The following DPF2 variants were observed in gnomAD, a reference collection of about 807,000 sequenced individuals.
DPF2 encodes the protein double PHD fingers 2.
In DPF2, 10 loss-of-function variants were observed where a neutral mutation model predicts 59.6. The ratio of observed to expected loss-of-function variants is 0.17; its 90% CI spans 0.10 to 0.28. The LOEUF is 0.28. Among genes scored for constraint, DPF2 ranks in the 10% least tolerant of loss-of-function variants. The pLI, the probability that DPF2 is intolerant of heterozygous loss-of-function variation, is 1.00. For missense variants in DPF2, 315 were observed against 509.4 expected (o/e 0.62, Z 3.67); for synonymous variants, 189 against 190.6 (o/e 0.99, Z 0.07).
intron 6 of DPF2, chr11:65,344,530 C>T (rs767841883): frequency 2.0e-6 from 3 of 1,523,354 alleles, no homozygotes; most frequent in Non-Finnish European, 2.6e-6. Flanking sequence ...CTGCTCCTGT[C>T]TCAAGTGTAT....
intron 4 of DPF2, chr11:65,341,923 A>T (rs909909665): frequency 1.2e-4 from 20 of 167,238 alleles, no homozygotes; most frequent in Non-Finnish European, 2.0e-4. Context: ...CAGCCTGGGC[A>T]ACAAAGTGAG....
Position 65,340,969 on chromosome 11 carries a change from T to C in DPF2, c.197T>C (p.Leu66Ser). The C allele has an allele frequency of 6.2e-7, 1 of 1,614,068 alleles. No homozygotes were observed. The highest frequency in any genetic ancestry group is 8.5e-7 in the Non-Finnish European group (1 of 1,179,992). Reference sequence around the variant, plus strand: ...TCTATCTTTCTTCCTGCCACAGGATTGGCCTCCGGACAGCTGTACTCCTAC... The same window carrying C: ...TCTATCTTTCTTCCTGCCACAGGATCGGCCTCCGGACAGCTGTACTCCTAC... ...WMEKRHRGPG[L>S]ASGQLYSYPA... is the part of the protein sequence containing the mutation. Residue 66 changes from leucine (L) to serine (S), a missense_variant, in exon 3 of 11, where the codon TTG becomes TCG. By Grantham distance (145) the Leu-to-Ser change is moderately radical (BLOSUM62 -2). Around this residue, in one of 4 missense-constraint regions of DPF2, gnomAD observed 228 missense variants for 275.3 expected, o/e 0.83. Transcript: ENST00000528416.
chr11:65,335,991 T>C (rs1161803956), intron 1 of DPF2, among the ~76,000 whole-genome samples: 4 of 151,714 alleles, frequency 2.6e-5, no homozygotes, highest in African/African-American at 9.7e-5. Flanking sequence ...TTTTTGTGTT[T>C]TTAGTAGAGA....
intron 10 of DPF2, among the ~76,000 whole-genome samples, chr11:65,350,097 T>G (rs966452423): frequency 2.0e-4 from 30 of 152,302 alleles, no homozygotes; most frequent in African/African-American, 6.3e-4. Context: ...TGTTTTGTTT[T>G]GTTTTTTTAA....
Position 65,345,925 on chromosome 11 carries a change from T to G in DPF2, c.776-5T>G. On this transcript the variant is annotated splice_region_variant and splice_polypyrimidine_tract_variant and intron_variant, in intron 7 of 10. Coordinates refer to ENST00000528416, the MANE Select transcript of DPF2 (RefSeq NM_006268.5). ...GGGTGTCATCAAAACTCTTTCTCTC[T>G]GTAGCCAAAAAGGGTCCTGATGGAT... 1 of 1,614,116 alleles carries G rather than the reference T, an allele frequency of 6.2e-7. No individual in the cohort carries two copies. The highest frequency in any genetic ancestry group is 1.1e-5 in the South Asian group (1 of 91,084).
chr11:65,338,560 C>T (rs1854274725), intron 1 of DPF2, among the ~76,000 whole-genome samples: 1 of 152,204 alleles, frequency 6.6e-6, no homozygotes, highest in African/African-American at 2.4e-5. Flanking sequence ...CAATTTTATT[C>T]TGTGTGGTGA....
chr11:65,341,223 G>T, intron 3 of DPF2, 150 bp downstream of exon 3: 1 of 1,252,286 alleles, frequency 8.0e-7, no homozygotes. Flanking sequence ...AGTCTAGAAG[G>T]GGAGACAGGT....
chr11:65,336,360 C>T (rs994531068), intron 1 of DPF2, among the ~76,000 whole-genome samples: 33 of 151,550 alleles, frequency 2.2e-4, no homozygotes, highest in East Asian at 1.4e-3. Flanking sequence ...GGTGTGGTGG[C>T]GCACACCTGT....
chr11:65,346,457 C>T, intron 9 of DPF2, 98 bp downstream of exon 9: 1 of 1,094,556 alleles, frequency 9.1e-7, no homozygotes, highest in Non-Finnish European at 1.3e-6. Flanking sequence ...AAAAAGGGAG[C>T]AGGATCCCTC....
intron 6 of DPF2, chr11:65,344,932 T>C (rs552967781): frequency 2.4e-5 from 9 of 371,804 alleles, no homozygotes; most frequent in Non-Finnish European, 4.4e-5. Flanking sequence ...CAGCTGGTGG[T>C]CAGCTCATGT....
In DPF2 at chr11:65,352,285, C is replaced by T. The variant is rs1854724370; in HGVS notation, c.*526C>T. ...AGTGGCTCTCTGCGGCCCTGTGTTC[C>T]TGCTACAGAGTGTTCTTTTCTGGAG... On this transcript the variant is annotated 3_prime_UTR_variant, in exon 11 of 11. Transcript: ENST00000528416. 6.2e-6 allele frequency: 1 copy of T among 160,066 alleles called. No individual in the cohort carries two copies. The highest frequency in any genetic ancestry group is 1.4e-5 in the Non-Finnish European group (1 of 72,242). 9.9% of individuals were successfully genotyped at this position (160,066 alleles called of 1,614,324 possible). A position where few individuals can be genotyped will look rare whatever the true frequency, so the allele number is the denominator to read the frequency against.
At chr11:65,348,224 G>C (rs1191731289) in intron 9 of DPF2, 2 of 151,892 alleles carry the variant, frequency 1.3e-5, no homozygotes, top group African/African-American at 4.8e-5. Flanking sequence ...GTTTGAGGCT[G>C]CAGTGAGCCA....
Position 65,345,823 on chromosome 11 carries a change from G to A in DPF2, c.775+20G>A. ...AGAAATGTAAGCTGAGGTGTCAGAA[G>A]TGGTGGGCAAGCAGAAGTTGGCCTG... On this transcript the variant is annotated intron_variant, in intron 7 of 10. Transcript: ENST00000528416. 1 of 1,613,934 alleles carries A rather than the reference G, an allele frequency of 6.2e-7. No homozygotes were observed. The highest frequency in any genetic ancestry group is 1.7e-5 in the Admixed American group (1 of 59,984).
intron 8 of DPF2, 85 bp downstream of exon 8, chr11:65,346,143 C>T: frequency 6.3e-7 from 1 of 1,598,216 alleles, no homozygotes; most frequent in Non-Finnish European, 8.5e-7. Flanking sequence ...CATAACCAGC[C>T]CACCTCGCTT....
intron 6 of DPF2, chr11:65,345,334 A>G (rs1337563158): frequency 2.5e-5 from 7 of 281,796 alleles, no homozygotes. Flanking sequence ...CCCTTTCCTG[A>G]CCTGGAGCGT....
chr11:65,351,564 C>G, intron 10 of DPF2, 119 bp from the exon 11 acceptor site: 2 of 803,544 alleles, frequency 2.5e-6, no homozygotes, highest in Non-Finnish European at 4.2e-6. Flanking sequence ...TGCTGCAGAG[C>G]ATCCCTCGTC....
At position 65,339,698 on chromosome 11, in the gene DPF2, C is replaced by T. The variant is rs4647575; in HGVS notation, c.33-687C>T. On this transcript the variant is annotated intron_variant, in intron 1 of 10. Transcript: ENST00000528416. ...GGCCTAGTCACCCACTTTTTCTCCC[C>T]GCTGACCTGCAGTTTCTTTTCCATT... 8.5e-5 allele frequency among the ~76,000 whole-genome samples: 13 copies of T among 152,214 alleles called. No homozygotes were observed. The East Asian group carries it at 2.1e-3, about 25-fold the overall frequency.
intron 4 of DPF2, among the ~76,000 whole-genome samples, chr11:65,343,053 A>G (rs1026850578): frequency 6.6e-6 from 1 of 151,352 alleles, no homozygotes; most frequent in African/African-American, 2.4e-5. Flanking sequence ...TAATCCCAGC[A>G]CTTTGGGAGG....
At chr11:65,338,032 C>G (rs1163680234) in intron 1 of DPF2, among the ~76,000 whole-genome samples, 1 of 152,162 alleles carries the variant, frequency 6.6e-6, no homozygotes, top group Admixed American at 6.5e-5. Context: ...AACTCCTGAC[C>G]TCAGGTGATC....
Sources: gnomAD v4.1 joint callset for allele counts (sites outside exome capture counted in the v4.1 genomes callset) on GRCh38, gnomAD v4.1.1 for gene constraint, gnomAD v4.1.1 regional missense constraint, MANE v1.5 for transcripts, NCBI Gene and HGNC (gene_info 2026-07-23, HGNC 2026-07-21) for gene names.